The following PHACTR2 variants were observed in gnomAD, a reference collection of about 807,000 sequenced individuals.
PHACTR2 encodes phosphatase and actin regulator 2, also known as chromosome 6 open reading frame 56.
PHACTR2 carries 30 observed loss-of-function variants against 76.0 expected under a neutral mutation model. The observed-to-expected ratio is 0.39, with a 90% CI of 0.30 to 0.54. The LOEUF (loss-of-function observed/expected upper bound fraction) is 0.54. PHACTR2 is among the 20% of genes least tolerant of loss of function. The pLI is 0.61. For synonymous variants in PHACTR2, 292 were observed against 292.5 expected (o/e 1.00, Z 0.02); for missense variants, 696 against 781.1 (o/e 0.89, Z 1.30).
At chr6:143,712,968 A>T (rs370669175) in intron 2 of PHACTR2, among the ~76,000 whole-genome samples, 1 of 152,204 alleles carries the variant, frequency 6.6e-6, no homozygotes, top group Non-Finnish European at 1.5e-5. Context: ...GTGTGAGTGT[A>T]TTGTGTCTAA....
intron 1 of PHACTR2, among the ~76,000 whole-genome samples, chr6:143,635,071 A>G (rs1218985224): frequency 6.6e-6 from 1 of 152,186 alleles, no homozygotes; most frequent in Non-Finnish European, 1.5e-5. Flanking sequence ...CAAAAGCATG[A>G]CATTTATCCT....
In PHACTR2 at chr6:143,761,617, C is replaced by T. The variant is rs1034966958; in HGVS notation, c.694+977C>T. Among the ~76,000 whole-genome samples the T allele has an allele frequency of 5.9e-5, 9 of 151,938 alleles. No homozygotes were observed. Among genetic ancestry groups the T allele is most frequent in the East Asian group, 1.9e-4 (1 of 5,162 alleles). On this transcript the variant is annotated intron_variant, in intron 5 of 12. Coordinates refer to ENST00000440869, the MANE Select transcript of PHACTR2 (RefSeq NM_001100164.2). The surrounding 1 kb of genome is among the most constrained non-coding windows in gnomAD (Gnocchi z 5.2). ...AAAAATACAAGAATTAGCCAGGCGT[C>T]GTGGCGTGCACCTCTAATCCCAGCT... is the stretch of plus-strand genomic sequence containing the variant.
chr6:143,679,549 T>G lies in PHACTR2; in HGVS notation c.46+1340T>G, dbSNP rs543802954. ...TCATTTCAAGGAAGGGTTATATTTTTACATTTGTGCACCGGCGAAGATAGA... is the reference window on the plus strand; with the variant it reads ...TCATTTCAAGGAAGGGTTATATTTTGACATTTGTGCACCGGCGAAGATAGA... On this transcript the variant is annotated intron_variant, in intron 1 of 12. Coordinates refer to ENST00000440869, the MANE Select transcript of PHACTR2 (RefSeq NM_001100164.2). The surrounding 1 kb of genome is among the most constrained non-coding windows in gnomAD (Gnocchi z 4.6). 6.6e-6 allele frequency among the ~76,000 whole-genome samples: 1 copy of G among 152,330 alleles called. No individual in the cohort carries two copies. Among genetic ancestry groups the G allele is most frequent in the South Asian group, 2.1e-4 (1 of 4,830 alleles).
intron 1 of PHACTR2, among the ~76,000 whole-genome samples, chr6:143,582,898 A>C (rs147967985): frequency 0.011 from 1,740 of 152,330 alleles, 39 homozygotes; most frequent in African/African-American, 0.037. Context: ...TGAGGGATTC[A>C]GTTGTATTGA....
At chr6:143,669,369 C>A (rs533890342) in intron 1 of PHACTR2, among the ~76,000 whole-genome samples, 26 of 152,266 alleles carry the variant, frequency 1.7e-4, no homozygotes, top group African/African-American at 4.8e-4. Flanking sequence ...GTGTAGAGTT[C>A]TGCAGATATC....
intron 1 of PHACTR2, among the ~76,000 whole-genome samples, chr6:143,704,597 T>G (rs185501427): frequency 2.1e-4 from 32 of 152,330 alleles, no homozygotes; most frequent in African/African-American, 7.7e-4. Flanking sequence ...CAGAGAGATC[T>G]TATATCAGCA....
chr6:143,797,678 C>T (rs1300548668), intron 11 of PHACTR2, among the ~76,000 whole-genome samples: 2 of 152,178 alleles, frequency 1.3e-5, no homozygotes, highest in Non-Finnish European at 2.9e-5. Context: ...GAATCTTCCC[C>T]ATCGCTTGTA....
chr6:143,575,509 C>G (rs1036979698), intron 1 of PHACTR2, among the ~76,000 whole-genome samples: 2 of 152,098 alleles, frequency 1.3e-5, no homozygotes, highest in Non-Finnish European at 2.9e-5. Context: ...AAAAAGCGCT[C>G]CCTAGCTGCT....
Position 143,625,974 on chromosome 6 carries a change from G to T in PHACTR2, c.13+17652G>T, listed in dbSNP as rs1215737514. ...TGACTGGCCATCTAAATGTGACTGG[G>T]TTACAAAATTTGGGAGATTTGCAAG... is the stretch of plus-strand genomic sequence containing the variant. On this transcript the variant is annotated intron_variant, in intron 1 of 11. Transcript: ENST00000305766. The surrounding 1 kb of genome is among the most constrained non-coding windows in gnomAD (Gnocchi z 4.3). Among the ~76,000 whole-genome samples, 1 of 152,174 alleles carries T rather than the reference G, an allele frequency of 6.6e-6. No homozygotes were observed. Among genetic ancestry groups the T allele is most frequent in the African/African-American group, 2.4e-5 (1 of 41,448 alleles).
In PHACTR2 at chr6:143,771,194, G is replaced by GTATATA. The variant is rs769993035; in HGVS notation, c.1233-1028_1233-1023dup. Among the ~76,000 whole-genome samples, 113 of 40,320 alleles carry GTATATA rather than the reference G, an allele frequency of 2.8e-3. 2 individuals are homozygous for GTATATA. Among genetic ancestry groups the GTATATA allele is most frequent in the Middle Eastern group, 0.015 (1 of 68 alleles). 26.5% of individuals were successfully genotyped at this position (40,320 alleles called of 152,430 possible). On this transcript the variant is annotated intron_variant, in intron 6 of 12. Transcript: ENST00000440869. ...TATATGTATATATATATATATGTGT[G>GTATATA]TATATATATATATATATATATATAT...
intron 1 of PHACTR2, among the ~76,000 whole-genome samples, chr6:143,568,506 C>T (rs537237791): frequency 2.0e-5 from 3 of 152,306 alleles, no homozygotes; most frequent in African/African-American, 7.2e-5. Flanking sequence ...TGTGTTCAGG[C>T]TGTGCTCCAG....
rs1778884978 is a variant in PHACTR2, at chr6:143,739,151, G to A, written c.215-9834G>A. 6.6e-6 allele frequency among the ~76,000 whole-genome samples: 1 copy of A among 152,216 alleles called. No homozygotes were observed. Among genetic ancestry groups the A allele is most frequent in the South Asian group, 2.1e-4 (1 of 4,826 alleles). On this transcript the variant is annotated intron_variant, in intron 2 of 12. Transcript: ENST00000440869. The surrounding 1 kb of genome is among the most constrained non-coding windows in gnomAD (Gnocchi z 4.3). The stretch of plus-strand genomic sequence containing the variant: ...ACGGTTTTGGCTCACTGCAAGCTCC[G>A]CCTCCCGGGTTCACTCCGTTCTCCT...
intron 1 of PHACTR2, chr6:143,555,204 G>A (rs571377031): frequency 1.7e-4 from 26 of 152,050 alleles, no homozygotes; most frequent in East Asian, 1.9e-4. Flanking sequence ...GCACATTTAC[G>A]TCGAGCCTGC....
In PHACTR2 at chr6:143,794,496, A is replaced by G. The variant is rs79993212; in HGVS notation, c.1845+5586A>G. 6.2e-4 allele frequency among the ~76,000 whole-genome samples: 94 copies of G among 152,270 alleles called. 1 individual carries two copies. In the East Asian group the frequency reaches 0.017, roughly 27 times the overall value. Reference sequence around the variant, plus strand: ...AAGTAAATATTTCCACCTCTGCTTTAAAAAATAAACAATGAGGCCAGGTGC... The same window carrying G: ...AAGTAAATATTTCCACCTCTGCTTTGAAAAATAAACAATGAGGCCAGGTGC... On this transcript the variant is annotated intron_variant, in intron 11 of 12. Transcript: ENST00000440869. This position sits in a 1 kb window ranked among gnomAD's most constrained non-coding sequence, Gnocchi z 4.1.
rs1399993463 is a variant in PHACTR2, at chr6:143,672,468, A to G, written c.14-39548A>G. Among the ~76,000 whole-genome samples, 1 of 152,096 alleles carries G rather than the reference A, an allele frequency of 6.6e-6. No homozygotes were observed. ...AGAGCAAGACGCTGTCTCAAAAACAAAAAACAAACAAAAAAAGCTGCAAGC... is the reference window on the plus strand; with the variant it reads ...AGAGCAAGACGCTGTCTCAAAAACAGAAAACAAACAAAAAAAGCTGCAAGC... On this transcript the variant is annotated intron_variant, in intron 1 of 11. Transcript: ENST00000305766. This position sits in a 1 kb window ranked among gnomAD's most constrained non-coding sequence, Gnocchi z 5.8.
In PHACTR2 at chr6:143,537,387, C is replaced by T. The variant is rs866519927; in HGVS notation, c.217+180C>T. Reference sequence around the variant, plus strand: ...CCACACTGCCGCCTCCTCGGCCGCCCGGGCTCGGCGACCCTAGGCGGAAGA... The same window carrying T: ...CCACACTGCCGCCTCCTCGGCCGCCTGGGCTCGGCGACCCTAGGCGGAAGA... On this transcript the variant is annotated intron_variant, in intron 1 of 11. Coordinates refer to the PHACTR2 transcript ENST00000367584. The surrounding 1 kb of genome is among the most constrained non-coding windows in gnomAD (Gnocchi z 4.4). Among the ~76,000 whole-genome samples, 11 of 152,158 alleles carry T rather than the reference C, an allele frequency of 7.2e-5. No individual in the cohort carries two copies. The Middle Eastern group carries it at 0.01, about 141-fold the overall frequency.
chr6:143,593,656 A>C (rs1270183897), intron 1 of PHACTR2, among the ~76,000 whole-genome samples: 1 of 152,234 alleles, frequency 6.6e-6, no homozygotes, highest in Non-Finnish European at 1.5e-5. Context: ...GTTTATATTC[A>C]GAGGTAGAAG....
chr6:143,813,261 T>C (rs907923266), intron 12 of PHACTR2, among the ~76,000 whole-genome samples: 1 of 152,160 alleles, frequency 6.6e-6, no homozygotes, highest in Admixed American at 6.5e-5. Flanking sequence ...CAAGAGATCA[T>C]TGGCATAATG....
chr6:143,641,796 G>C lies in PHACTR2; in HGVS notation c.13+33474G>C, dbSNP rs1049053961. On this transcript the variant is annotated intron_variant, in intron 1 of 11. Coordinates refer to the PHACTR2 transcript ENST00000305766. The surrounding 1 kb of genome is among the most constrained non-coding windows in gnomAD (Gnocchi z 5.8). ...GCTGGGATTACAGGTATGAGCCACC[G>C]CACCCAGCCAAATTTCTGTTGTTTT... is the stretch of plus-strand genomic sequence containing the variant. Among the ~76,000 whole-genome samples, 1 of 152,102 alleles carries C rather than the reference G, an allele frequency of 6.6e-6. No homozygotes were observed. The highest frequency in any genetic ancestry group is 2.4e-5 in the African/African-American group (1 of 41,402).
Sources: gnomAD v4.1 joint callset for allele counts (sites outside exome capture counted in the v4.1 genomes callset) on GRCh38, gnomAD v4.1.1 for gene constraint, Gnocchi (gnomAD v3.1) non-coding constraint, MANE v1.5 for transcripts, NCBI Gene and HGNC (gene_info 2026-07-23, HGNC 2026-07-21) for gene names.